The following ACP7 variants were observed in gnomAD, a reference collection of about 807,000 sequenced individuals.
ACP7 encodes acid phosphatase 7, tartrate resistant (putative), also known as acid phosphatase type 7.
ACP7 carries 58 observed loss-of-function variants against 60.6 expected under a neutral mutation model. The ratio of observed to expected loss-of-function variants is 0.96; its 90% CI spans 0.77 to 1.19. ACP7 has a LOEUF of 1.19. ACP7 is among the 50% of genes most tolerant of loss of function. The pLI is 0.00. For missense variants in ACP7, 574 were observed against 596.2 expected (o/e 0.96, Z 0.39); for synonymous variants, 237 against 232.6 (o/e 1.02, Z -0.17).
Position 39,110,242 on chromosome 19 carries a change from T to A in ACP7, c.*124T>A, listed in dbSNP as rs1384666862. On this transcript the variant is annotated 3_prime_UTR_variant, in exon 13 of 13. Transcript: ENST00000331256. ...ACTCCCCTGCCCTCCAGAGGCCCCA[T>A]GTAGGGTACATGCAGCCCTATGGAG... 3.4e-6 allele frequency: 3 copies of A among 881,662 alleles called. No individual in the cohort carries two copies. The African/African-American group carries it at 5.0e-5, about 15-fold the overall frequency. 54.6% of individuals were successfully genotyped at this position (881,662 alleles called of 1,614,324 possible). A position where few individuals can be genotyped will look rare whatever the true frequency, so the allele number is the denominator to read the frequency against.
At chr19:39,087,683 T>G (rs374750541) in intron 2 of ACP7, among the ~76,000 whole-genome samples, 168 of 150,370 alleles carry the variant, frequency 1.1e-3, no homozygotes, top group African/African-American at 2.1e-3. Context: ...GGCCAGGCTG[T>G]AGTGCAATGG....
chr19:39,095,610 A>G (rs1420272295), intron 2 of ACP7, among the ~76,000 whole-genome samples: 5 of 152,134 alleles, frequency 3.3e-5, no homozygotes, highest in African/African-American at 7.2e-5. Flanking sequence ...TGGATCTACA[A>G]TTCTGGAGTC....
chr19:39,100,164 C>T (rs2073322273), intron 4 of ACP7, 63 bp from the exon 5 acceptor site: 2 of 1,596,014 alleles, frequency 1.3e-6, no homozygotes, highest in Admixed American at 1.7e-5. Flanking sequence ...ACCTGGCTCT[C>T]TCAATTCCAG....
chr19:39,098,621 A>C lies in ACP7; in HGVS notation c.285A>C (p.Arg95=). The C allele has an allele frequency of 1.2e-6, 2 of 1,613,258 alleles. No homozygotes were observed. The highest frequency in any genetic ancestry group is 1.7e-6 in the Non-Finnish European group (2 of 1,179,600). Reference sequence around the variant, plus strand: ...TCCGGCGGAAGCTCTACATACACCGAGTCACGCTTCGCAAGCTGCTGCCAG... The same window carrying C: ...TCCGGCGGAAGCTCTACATACACCGCGTCACGCTTCGCAAGCTGCTGCCAG... ...GILRRKLYIH[R]VTLRKLLPGV... Residue 95 remains arginine (R), a synonymous_variant, in exon 3 of 13, where the codon CGA becomes CGC. Transcript: ENST00000331256.
At chr19:39,092,771 C>CTTTTTTTTTTTTTTTTT (rs67888880) in intron 2 of ACP7, among the ~76,000 whole-genome samples, 1 of 114,650 alleles carries the variant, frequency 8.7e-6, no homozygotes. Context: ...TCCCATTCCT[C>CTTTTTTTTTTTTTTTTT]TTTTTTTTTT....
rs186060214 is a variant in ACP7, at chr19:39,108,412, A to G, written c.1251+1328A>G. Among the ~76,000 whole-genome samples the G allele has an allele frequency of 7.1e-3, 1,073 of 152,176 alleles. 8 individuals carry two copies. The highest frequency in any genetic ancestry group is 0.017 in the Middle Eastern group (5 of 294). On this transcript the variant is annotated intron_variant, in intron 12 of 12. Coordinates refer to ENST00000331256, the MANE Select transcript of ACP7 (RefSeq NM_001004318.3). ...TGCCTCAACCTCCCAAAGTGCTGGGATTACAGGTGTGAGCCACTGTGCTGG... is the reference window on the plus strand; with the variant it reads ...TGCCTCAACCTCCCAAAGTGCTGGGGTTACAGGTGTGAGCCACTGTGCTGG...
chr19:39,088,724 T>C (rs571558050), intron 2 of ACP7, among the ~76,000 whole-genome samples: 171 of 123,278 alleles, frequency 1.4e-3, no homozygotes, highest in Non-Finnish European at 2.2e-3. Context: ...ACGATCTTTG[T>C]GGGTTTGTTT....
At chr19:39,103,441 G>GTGTT (rs1230916229) in intron 11 of ACP7, among the ~76,000 whole-genome samples, 1,233 of 64,818 alleles carry the variant, frequency 0.019, 129 homozygotes, top group African/African-American at 0.077. Context: ...ATCATCATGT[G>GTGTT]TTTTTTTTTT....
rs753761803 is a variant in ACP7 at position 39,101,021 on chromosome 19, G to A, written c.880G>A (p.Ala294Thr). The A allele has an allele frequency of 3.1e-6, 5 of 1,613,920 alleles. No individual in the cohort carries two copies. The highest frequency in any genetic ancestry group is 2.2e-5 in the South Asian group (2 of 91,078). ...MGHRPMYCSNADLDDCTRHES... is the reference protein window; with the variant it reads ...MGHRPMYCSNTDLDDCTRHES... Reference sequence around the variant, plus strand: ...GCACCGGCCCATGTACTGCTCCAACGCAGATCTGGACGACTGCACACGACA... The same window carrying A: ...GCACCGGCCCATGTACTGCTCCAACACAGATCTGGACGACTGCACACGACA... Residue 294 changes from alanine to threonine, a missense_variant, in exon 8 of 13, where the codon GCA (alanine) becomes ACA (threonine). Transcript: ENST00000331256.
chr19:39,098,810 GA>G, intron 3 of ACP7, 149 bp from the exon 4 acceptor site: 1 of 1,362,342 alleles, frequency 7.3e-7, no homozygotes, highest in Non-Finnish European at 9.8e-7. Flanking sequence ...GATGAAAACG[GA>G]AGGTGCCGGG....
intron 11 of ACP7, among the ~76,000 whole-genome samples, chr19:39,104,610 G>A (rs1002444746): frequency 1.3e-5 from 2 of 152,174 alleles, no homozygotes; most frequent in African/African-American, 2.4e-5. Context: ...GAGGCCGGGC[G>A]CGGTGGCTTA....
chr19:39,095,046 G>T (rs2073250372), intron 2 of ACP7, among the ~76,000 whole-genome samples: 2 of 152,248 alleles, frequency 1.3e-5, no homozygotes, highest in Non-Finnish European at 1.5e-5. Flanking sequence ...GGGAATTATG[G>T]GTGTACAATT....
chr19:39,108,004 T>C (rs2039011940), intron 12 of ACP7, among the ~76,000 whole-genome samples: 1 of 152,072 alleles, frequency 6.6e-6, no homozygotes, highest in African/African-American at 2.4e-5. Context: ...TGAGCTATGA[T>C]CTCGCCTCTG....
intron 12 of ACP7, among the ~76,000 whole-genome samples, chr19:39,108,783 C>T (rs2073438285): frequency 6.6e-6 from 1 of 152,074 alleles, no homozygotes; most frequent in African/African-American, 2.4e-5. Flanking sequence ...TACTGCATAC[C>T]AGGCACTGCC....
At chr19:39,104,606 G>C (rs4533402) in intron 11 of ACP7, among the ~76,000 whole-genome samples, 2 of 152,006 alleles carry the variant, frequency 1.3e-5, no homozygotes, top group African/African-American at 4.8e-5. Flanking sequence ...ATTTGAGGCC[G>C]GGCGCGGTGG....
intron 11 of ACP7, among the ~76,000 whole-genome samples, chr19:39,102,691 T>G (rs1233820385): frequency 1.4e-5 from 2 of 140,748 alleles, no homozygotes; most frequent in Non-Finnish European, 3.1e-5. Flanking sequence ...TTAACAGTTA[T>G]TACTAAGCTG....
rs781564338 is a variant in ACP7, at chr19:39,110,003, G to A, written c.1252-50G>A. On this transcript the variant is annotated intron_variant, in intron 12 of 12. Transcript: ENST00000331256. ...CTGGAACCCAGGCCATGTGGCCCCAGAGTTCAGGCTTTCAGCTCTAACTAC... is the reference window on the plus strand; with the variant it reads ...CTGGAACCCAGGCCATGTGGCCCCAAAGTTCAGGCTTTCAGCTCTAACTAC... The A allele has an allele frequency of 1.8e-5, 29 of 1,572,268 alleles. No homozygotes were observed. The Admixed American group carries it at 3.5e-4, about 19-fold the overall frequency.
At chr19:39,107,597 A>AAAAT (rs2073425767) in intron 12 of ACP7, among the ~76,000 whole-genome samples, 1 of 150,934 alleles carries the variant, frequency 6.6e-6, no homozygotes, top group African/African-American at 2.4e-5. Flanking sequence ...AAAAAAAAAA[A>AAAAT]AAATTAGGCC....
At chr19:39,105,898 T>C (rs1230709189) in intron 11 of ACP7, among the ~76,000 whole-genome samples, 3 of 152,196 alleles carry the variant, frequency 2.0e-5, no homozygotes, top group Non-Finnish European at 4.4e-5. Context: ...TGATGCTTAC[T>C]TTGATCACTT....
Sources: allele counts gnomAD v4.1 joint callset (sites outside exome capture counted in the v4.1 genomes callset), GRCh38; gene constraint gnomAD v4.1.1; transcripts MANE v1.5; gene names NCBI Gene and HGNC (gene_info 2026-07-23, HGNC 2026-07-21).